CSMD1: variants seen among roughly 807,000 people sequenced by gnomAD.
CSMD1 encodes CUB and Sushi multiple domains 1, also known as CUB and sushi domain-containing protein 1.
A neutral mutation model predicts 417.5 loss-of-function variants in CSMD1; 213 were observed. The observed-to-expected ratio is 0.51, with a 90% CI of 0.46 to 0.57. CSMD1 has a LOEUF of 0.57. Among genes scored for constraint, CSMD1 ranks in the 20% least tolerant of loss-of-function variants. The probability of loss-of-function intolerance (pLI) is 0.00; values close to 1 mark genes in which losing one functional copy is unlikely to be tolerated. For synonymous variants in CSMD1, 2,862 were observed against 1,736.8 expected (o/e 1.65, Z -16.11); for missense variants, 6,923 against 4,529.7 (o/e 1.53, Z -15.17).
intron 5 of CSMD1, among the ~76,000 whole-genome samples, chr8:3,826,024 G>T (rs118126390): frequency 2.6e-5 from 4 of 152,082 alleles, no homozygotes; most frequent in Non-Finnish European, 2.9e-5. Flanking sequence ...TTTTTCAAAG[G>T]CCAACGTGTT....
chr8:4,086,413 T>C (rs2912284), intron 3 of CSMD1, among the ~76,000 whole-genome samples: 104,865 of 152,064 alleles, frequency 0.69, 37,581 homozygotes, highest in South Asian at 0.83. Context: ...TTGTAAATCA[T>C]TTTGAAAATC....
At chr8:4,685,773 T>C (rs1162413568) in intron 1 of CSMD1, among the ~76,000 whole-genome samples, 1 of 152,140 alleles carries the variant, frequency 6.6e-6, no homozygotes, top group Non-Finnish European at 1.5e-5. Flanking sequence ...GAGAAAAAAA[T>C]ATTTATTAGG....
intron 3 of CSMD1, among the ~76,000 whole-genome samples, chr8:4,291,351 A>G (rs1797350436): frequency 6.6e-6 from 1 of 152,176 alleles, no homozygotes; most frequent in Non-Finnish European, 1.5e-5. Flanking sequence ...TTGATAAATT[A>G]CATATAAAAA....
At chr8:4,466,975 A>C (rs1345464679) in intron 2 of CSMD1, among the ~76,000 whole-genome samples, 1 of 152,066 alleles carries the variant, frequency 6.6e-6, no homozygotes, top group Non-Finnish European at 1.5e-5. Context: ...GCTGTAAGGA[A>C]ATGCTCAGCT....
At chr8:3,960,131 T>C (rs1009161881) in intron 5 of CSMD1, among the ~76,000 whole-genome samples, 16 of 152,212 alleles carry the variant, frequency 1.1e-4, no homozygotes, top group African/African-American at 3.4e-4. Flanking sequence ...ATGATAATGA[T>C]AGAAACTTAC....
At chr8:3,756,890 G>C (rs1258070166) in intron 5 of CSMD1, among the ~76,000 whole-genome samples, 1 of 151,992 alleles carries the variant, frequency 6.6e-6, no homozygotes, top group Non-Finnish European at 1.5e-5. Flanking sequence ...CCGACTCCTG[G>C]GCTCAAGCCA....
At chr8:4,598,207 G>A (rs1303873635) in intron 2 of CSMD1, among the ~76,000 whole-genome samples, 3 of 152,178 alleles carry the variant, frequency 2.0e-5, no homozygotes, top group Non-Finnish European at 2.9e-5. Flanking sequence ...TTGTAGGGAT[G>A]AATATTTACA....
intron 1 of CSMD1, among the ~76,000 whole-genome samples, chr8:4,943,107 C>A (rs1046275814): frequency 6.6e-6 from 1 of 152,128 alleles, no homozygotes; most frequent in African/African-American, 2.4e-5. Flanking sequence ...ATAGATTTTA[C>A]AATTTGAAGG....
chr8:3,802,037 CA>C (rs1800485495), intron 5 of CSMD1, among the ~76,000 whole-genome samples: 1 of 151,938 alleles, frequency 6.6e-6, no homozygotes, highest in African/African-American at 2.4e-5. Flanking sequence ...TGTAAGCATA[CA>C]AAAATTCATG....
rs866849515 is a variant in CSMD1, at chr8:4,036,983, G to C, written c.416-4884C>G. On this transcript the variant is annotated intron_variant, in intron 3 of 69. Coordinates refer to ENST00000635120, the MANE Select transcript of CSMD1 (RefSeq NM_033225.6). ...TGTGTGTGTGTGTGTGTGTGTGTGT[G>C]TGTGTGTGTGTGTGATCCTGCCATG... 9.1e-3 allele frequency among the ~76,000 whole-genome samples: 1,381 copies of C among 151,822 alleles called. 22 individuals are homozygous for C. Among genetic ancestry groups the C allele is most frequent in the African/African-American group, 0.031 (1,287 of 41,426 alleles).
Position 4,181,751 on chromosome 8 carries a change from C to A in CSMD1, c.416-149652G>T, listed in dbSNP as rs1299731586. Among the ~76,000 whole-genome samples the A allele has an allele frequency of 3.3e-5, 5 of 152,196 alleles. No individual in the cohort carries two copies. In the East Asian group the frequency reaches 9.6e-4, roughly 29 times the overall value. ...ACATAAAACAAAATAAACAACAATT[C>A]TTATCTTGTCATTGAAATATTACGT... On this transcript the variant is annotated intron_variant, in intron 3 of 69. Coordinates refer to ENST00000635120, the MANE Select transcript of CSMD1 (RefSeq NM_033225.6).
chr8:3,452,066 C>G (rs1815763144), intron 12 of CSMD1, among the ~76,000 whole-genome samples: 1 of 152,138 alleles, frequency 6.6e-6, no homozygotes, highest in Admixed American at 6.6e-5. Flanking sequence ...GTATTTTATT[C>G]TCTTTGAAGC....
At chr8:4,000,690 T>C (rs977524710) in intron 4 of CSMD1, among the ~76,000 whole-genome samples, 1 of 151,954 alleles carries the variant, frequency 6.6e-6, no homozygotes, top group African/African-American at 2.4e-5. Context: ...TATAAACATA[T>C]CACACACATT....
intron 3 of CSMD1, among the ~76,000 whole-genome samples, chr8:4,076,481 T>C (rs1306953585): frequency 6.6e-6 from 1 of 152,188 alleles, no homozygotes; most frequent in Non-Finnish European, 1.5e-5. Flanking sequence ...AGGTGATGTT[T>C]TTGAATTCAT....
chr8:4,481,274 G>A (rs191970102), intron 2 of CSMD1, among the ~76,000 whole-genome samples: 1 of 152,340 alleles, frequency 6.6e-6, no homozygotes, highest in East Asian at 1.9e-4. Context: ...TTTTCCTGCT[G>A]TGCCAGCCCT....
chr8:3,827,732 GT>G (rs1287825795), intron 5 of CSMD1, among the ~76,000 whole-genome samples: 1 of 152,128 alleles, frequency 6.6e-6, no homozygotes, highest in African/African-American at 2.4e-5. Flanking sequence ...CCACCTCATT[GT>G]ACTTCTTCAC....
intron 1 of CSMD1, among the ~76,000 whole-genome samples, chr8:4,833,910 T>G (rs1800299110): frequency 6.6e-6 from 1 of 152,178 alleles, no homozygotes; most frequent in African/African-American, 2.4e-5. Flanking sequence ...TGGATTGGTG[T>G]TCACCACCCA....
chr8:4,478,963 T>C (rs1277063303), intron 2 of CSMD1, among the ~76,000 whole-genome samples: 3 of 152,166 alleles, frequency 2.0e-5, no homozygotes, highest in Non-Finnish European at 4.4e-5. Context: ...TCAACCTTAG[T>C]TTATTAATTC....
At chr8:3,280,305 C>G (rs58616975) in intron 26 of CSMD1, among the ~76,000 whole-genome samples, 12,073 of 152,202 alleles carry the variant, frequency 0.079, 587 homozygotes, top group African/African-American at 0.14. Flanking sequence ...ATACTCTATC[C>G]TCATTTCATA....
Sources: gnomAD v4.1 joint callset for allele counts (sites outside exome capture counted in the v4.1 genomes callset) on GRCh38, gnomAD v4.1.1 for gene constraint, MANE v1.5 for transcripts, NCBI Gene and HGNC (gene_info 2026-07-23, HGNC 2026-07-21) for gene names.